TRAPPC12: variants seen among roughly 807,000 people sequenced by gnomAD.
TRAPPC12 encodes TPR repeat protein 15.
Under a neutral mutation model 69.2 loss-of-function variants are expected in TRAPPC12, and 61 were observed. The ratio of observed to expected loss-of-function variants is 0.88; its 90% CI spans 0.72 to 1.09. TRAPPC12 has a LOEUF of 1.09. TRAPPC12 is among the 50% of genes least tolerant of loss of function. The probability of loss-of-function intolerance (pLI) is 0.00; values close to 1 mark genes in which losing one functional copy is unlikely to be tolerated. For missense variants in TRAPPC12, 1,101 were observed against 1,016.4 expected (o/e 1.08, Z -1.13); for synonymous variants, 469 against 438.9 (o/e 1.07, Z -0.86).
chr2:3,466,178 CT>C, intron 9 of TRAPPC12: 1 of 439,946 alleles, frequency 2.3e-6, no homozygotes. Context: ...ATGCATTTTC[CT>C]GGAATATTTG....
chr2:3,440,306 G>A (rs1447817109), intron 5 of TRAPPC12, among the ~76,000 whole-genome samples: 1 of 152,156 alleles, frequency 6.6e-6, no homozygotes, highest in Non-Finnish European at 1.5e-5. Flanking sequence ...TAGCAGTATT[G>A]TCTTCCTGTC....
chr2:3,425,399 T>A (rs909767629), intron 5 of TRAPPC12, among the ~76,000 whole-genome samples: 1 of 152,190 alleles, frequency 6.6e-6, no homozygotes, highest in Non-Finnish European at 1.5e-5. Flanking sequence ...TTGTCAGGCA[T>A]CCCCAGTTAC....
At chr2:3,474,139 T>C (rs1013827769) in intron 9 of TRAPPC12, among the ~76,000 whole-genome samples, 9 of 152,192 alleles carry the variant, frequency 5.9e-5, no homozygotes, top group Admixed American at 4.6e-4. Flanking sequence ...GAACTGGAGC[T>C]CTCCCCCACC....
chr2:3,386,458 C>T (rs1263332433), intron 1 of TRAPPC12, among the ~76,000 whole-genome samples: 1 of 152,184 alleles, frequency 6.6e-6, no homozygotes, highest in Non-Finnish European at 1.5e-5. Flanking sequence ...CTCCCAAGGC[C>T]TCAGTGTCCT....
intron 3 of TRAPPC12, among the ~76,000 whole-genome samples, chr2:3,413,241 G>C (rs1662156846): frequency 6.6e-6 from 1 of 152,060 alleles, no homozygotes; most frequent in Admixed American, 6.6e-5. Flanking sequence ...TTCCATTTGT[G>C]ATAGTCAAAA....
chr2:3,392,796 G>T (rs1173737042), intron 2 of TRAPPC12, among the ~76,000 whole-genome samples: 1 of 152,220 alleles, frequency 6.6e-6, no homozygotes, highest in African/African-American at 2.4e-5. Context: ...GTTAAAAATG[G>T]AGCTACCATA....
chr2:3,394,638 G>C (rs993611503), intron 2 of TRAPPC12, among the ~76,000 whole-genome samples: 13 of 149,726 alleles, frequency 8.7e-5, no homozygotes, highest in Admixed American at 2.6e-4. Flanking sequence ...AAAAAAAAAG[G>C]GGGGGGAGAT....
intron 2 of TRAPPC12, chr2:3,389,569 T>C (rs891073946): frequency 4.6e-6 from 2 of 435,280 alleles, no homozygotes; most frequent in Non-Finnish European, 9.6e-6. Flanking sequence ...CACAGCTCTT[T>C]TCGACCCGCA....
chr2:3,394,337 G>A (rs918773801), intron 2 of TRAPPC12, among the ~76,000 whole-genome samples: 1 of 152,124 alleles, frequency 6.6e-6, no homozygotes, highest in African/African-American at 2.4e-5. Flanking sequence ...TAGAAGAAGG[G>A]GAGGGCCGGG....
chr2:3,439,846 A>G (rs1294505828), intron 5 of TRAPPC12, among the ~76,000 whole-genome samples: 1 of 150,474 alleles, frequency 6.6e-6, no homozygotes, highest in African/African-American at 2.4e-5. Context: ...CTGTTATTGG[A>G]GTTCATTTTG....
At chr2:3,420,913 G>A (rs955808260) in intron 3 of TRAPPC12, among the ~76,000 whole-genome samples, 2 of 152,198 alleles carry the variant, frequency 1.3e-5, no homozygotes, top group African/African-American at 4.8e-5. Flanking sequence ...CGCTTGGCAT[G>A]CACACAAAAT....
chr2:3,386,410 T>TC (rs1393293784), intron 1 of TRAPPC12, among the ~76,000 whole-genome samples: 3 of 152,332 alleles, frequency 2.0e-5, no homozygotes, highest in Admixed American at 1.3e-4. Flanking sequence ...GGTCCTGGTT[T>TC]CCCCACTCAC....
chr2:3,388,877 C>CAGAG, intron 2 of TRAPPC12: 1 of 507,478 alleles, frequency 2.0e-6, no homozygotes. Context: ...GACTGCTACT[C>CAGAG]AGAGAGGTAG....
At chr2:3,421,763 C>A in intron 3 of TRAPPC12, 118 bp from the exon 4 acceptor site, 1 of 899,236 alleles carries the variant, frequency 1.1e-6, no homozygotes, top group Non-Finnish European at 1.8e-6. Context: ...TTACTAACGG[C>A]TGGCTGGCGC....
chr2:3,465,093 A>G (rs1460728967), intron 8 of TRAPPC12, among the ~76,000 whole-genome samples: 4 of 152,238 alleles, frequency 2.6e-5, no homozygotes, highest in South Asian at 2.1e-4. Context: ...TCACATACTC[A>G]GCCTCAGCAA....
At chr2:3,389,910 C>T (rs1175227631) in intron 2 of TRAPPC12, 1 of 417,542 alleles carries the variant, frequency 2.4e-6, no homozygotes, top group East Asian at 7.1e-5. Context: ...TTTTTGGGCT[C>T]AGAATGGAGG....
At chr2:3,442,855 C>G (rs1664296091) in intron 5 of TRAPPC12, among the ~76,000 whole-genome samples, 1 of 152,206 alleles carries the variant, frequency 6.6e-6, no homozygotes, top group East Asian at 1.9e-4. Context: ...AGACTATATT[C>G]CAGATCCGAA....
intron 1 of TRAPPC12, among the ~76,000 whole-genome samples, chr2:3,382,130 C>CTTTTTT (rs70938942): frequency 1.6e-4 from 15 of 93,584 alleles, no homozygotes; most frequent in South Asian, 3.5e-4. Context: ...TTTATTTCCA[C>CTTTTTT]TTTTTTTTTT....
At chr2:3,420,638 G>A (rs1196358288) in intron 3 of TRAPPC12, among the ~76,000 whole-genome samples, 2 of 152,182 alleles carry the variant, frequency 1.3e-5, no homozygotes, top group African/African-American at 2.4e-5. Context: ...CACCGCCGCT[G>A]TGGCTGGAAT....
Sources: allele counts gnomAD v4.1 joint callset (sites outside exome capture counted in the v4.1 genomes callset), GRCh38; gene constraint gnomAD v4.1.1; transcripts MANE v1.5; gene names NCBI Gene and HGNC (gene_info 2026-07-23, HGNC 2026-07-21).